The following SSPN variants were observed in gnomAD, a reference collection of about 807,000 sequenced individuals.
SSPN encodes the protein K-ras oncogene-associated protein.
In SSPN, 15 loss-of-function variants were observed where a neutral mutation model predicts 19.1. That is an observed-to-expected ratio of 0.78 (90% confidence interval 0.52 to 1.21). SSPN has a LOEUF of 1.21. Among genes scored for constraint, SSPN ranks in the 50% most tolerant of loss-of-function variants. The pLI, the probability that SSPN is intolerant of heterozygous loss-of-function variation, is 0.00. For synonymous variants in SSPN, 147 were observed against 140.3 expected (o/e 1.05, Z -0.34); for missense variants, 291 against 314.0 (o/e 0.93, Z 0.55).
At chr12:26,201,034 T>TA (rs1944877521) in intron 1 of SSPN, among the ~76,000 whole-genome samples, 6 of 55,848 alleles carry the variant, frequency 1.1e-4, no homozygotes, top group African/African-American at 3.2e-4. Context: ...TATATATATA[T>TA]ATATATATAT....
intron 1 of SSPN, among the ~76,000 whole-genome samples, chr12:26,132,163 T>C (rs1209813823): frequency 6.6e-6 from 1 of 152,172 alleles, no homozygotes; most frequent in East Asian, 1.9e-4. Flanking sequence ...TTTGCATGTA[T>C]TTCCCTACAG....
At chr12:26,158,707 C>T (rs1944570187) in intron 1 of SSPN, among the ~76,000 whole-genome samples, 1 of 152,268 alleles carries the variant, frequency 6.6e-6, no homozygotes, top group Non-Finnish European at 1.5e-5. Context: ...CAGGGCTGCT[C>T]CTGCAGCAGA....
At chr12:26,176,818 G>T (rs1944686862) in intron 1 of SSPN, among the ~76,000 whole-genome samples, 1 of 152,004 alleles carries the variant, frequency 6.6e-6, no homozygotes, top group Non-Finnish European at 1.5e-5. Context: ...AGCCATCATC[G>T]TGCCTCTGCT....
At chr12:26,125,137 C>G (rs955403222) in intron 1 of SSPN, 1 of 295,914 alleles carries the variant, frequency 3.4e-6, no homozygotes, top group Non-Finnish European at 6.6e-6. Context: ...GAGGAGGGGC[C>G]GGGCCGGGCG....
chr12:26,195,921 C>A lies in SSPN; in HGVS notation c.249C>A (p.Val83=), dbSNP rs1253059380. The A allele has an allele frequency of 3.9e-6, 6 of 1,555,522 alleles. No individual in the cohort carries two copies. Among genetic ancestry groups the A allele is most frequent in the Non-Finnish European group, 5.2e-6 (6 of 1,154,460 alleles). The change falls in exon 1 of 3, where the codon GTC becomes GTA. Residue 83 remains valine, a synonymous_variant. Transcript: ENST00000242729. The stretch of plus-strand genomic sequence containing the variant: ...CGAGCATCAGCTCCTCCCTGCTAGT[C>A]AGGGACACTCCATTTTGGGCTGGGA... ...LMASISSSLL[V]RDTPFWAGII...
At chr12:26,122,381 C>A (rs1030525741) in intron 1 of SSPN, 9 of 1,220,422 alleles carry the variant, frequency 7.4e-6, no homozygotes, top group Non-Finnish European at 7.2e-6. Flanking sequence ...CAGCCGCCGC[C>A]GGGTACAGAT....
rs1232947205 is a variant in SSPN at position 26,195,881 on chromosome 12, T to A, written c.209T>A (p.Val70Glu). The change falls in exon 1 of 3, where the codon GTG (valine) becomes GAG (glutamate). Residue 70 changes from valine (V) to glutamate (E), a missense_variant. By Grantham distance (121) the Val-to-Glu change is moderately radical. Coordinates refer to ENST00000242729, the MANE Select transcript of SSPN (RefSeq NM_005086.5). ...GCCCTGGGCATCGCCGTGACCGTGG[T>A]GGGCTTCCTCATGGCGAGCATCAGC... is the stretch of plus-strand genomic sequence containing the variant. ...QLALGIAVTV[V>E]GFLMASISSS... 1 of 1,575,682 alleles carries A rather than the reference T, an allele frequency of 6.3e-7. No homozygotes were observed. The highest frequency in any genetic ancestry group is 2.4e-5 in the East Asian group (1 of 41,194).
chr12:26,233,436 C>A lies in SSPN; in HGVS notation c.*2360C>A, dbSNP rs1945256653. Reference sequence around the variant, plus strand: ...GTATGATTAAATCATTCTTAAGTCCCCAAGGAAAAAAAATCATAAACAAAT... The same window carrying A: ...GTATGATTAAATCATTCTTAAGTCCACAAGGAAAAAAAATCATAAACAAAT... On this transcript the variant is annotated 3_prime_UTR_variant, in exon 3 of 3. Transcript: ENST00000242729. The surrounding 1 kb of genome is among the most constrained non-coding windows in gnomAD (Gnocchi z 4.3). The A allele has an allele frequency of 6.7e-6, 1 of 150,230 alleles. No homozygotes were observed. Among genetic ancestry groups the A allele is most frequent in the Non-Finnish European group, 1.5e-5 (1 of 67,714 alleles). 9.3% of individuals were successfully genotyped at this position (150,230 alleles called of 1,614,324 possible).
chr12:26,195,481 C>T, upstream of SSPN: 1 of 1,024,724 alleles, frequency 9.8e-7, no homozygotes, highest in Non-Finnish European at 1.3e-6. Flanking sequence ...GTTGGCGACC[C>T]CCCTCGAATC....
At chr12:26,226,921 G>A (rs991851086) in intron 2 of SSPN, among the ~76,000 whole-genome samples, 1 of 152,078 alleles carries the variant, frequency 6.6e-6, no homozygotes, top group African/African-American at 2.4e-5. Context: ...GCTGCAGGCC[G>A]GGTACCAATT....
At chr12:26,125,194 G>A in intron 1 of SSPN, 1 of 336,022 alleles carries the variant, frequency 3.0e-6, no homozygotes, top group Non-Finnish European at 5.7e-6. Flanking sequence ...GCAGGAGGGG[G>A]CGGGGACACC....
chr12:26,124,151 A>G (rs200957247), intron 1 of SSPN: 3 of 1,611,304 alleles, frequency 1.9e-6, no homozygotes, highest in East Asian at 2.2e-5. Flanking sequence ...TTTCTTTTCT[A>G]TTAATCTGTG....
At chr12:26,222,345 T>C (rs1050947731) in intron 1 of SSPN, among the ~76,000 whole-genome samples, 1 of 152,212 alleles carries the variant, frequency 6.6e-6, no homozygotes, top group Admixed American at 6.5e-5. Flanking sequence ...CATAGGCAGC[T>C]TATTGATTAT....
intron 1 of SSPN, among the ~76,000 whole-genome samples, chr12:26,179,365 C>T (rs760416977): frequency 7.2e-5 from 11 of 152,118 alleles, no homozygotes; most frequent in Non-Finnish European, 1.6e-4. Context: ...GCTTGTCACC[C>T]GCAGACTGGA....
At chr12:26,122,943 C>T in intron 1 of SSPN, 1 of 1,554,504 alleles carries the variant, frequency 6.4e-7, no homozygotes, top group Non-Finnish European at 8.7e-7. Context: ...CGAGGGAGCG[C>T]CGGTGCCTTT....
intron 1 of SSPN, among the ~76,000 whole-genome samples, chr12:26,215,916 C>A (rs1036867350): frequency 2.0e-5 from 3 of 152,300 alleles, no homozygotes; most frequent in African/African-American, 7.2e-5. Flanking sequence ...GAGCCAACAC[C>A]TTTATAACAC....
chr12:26,123,651 T>C, intron 1 of SSPN: 3 of 1,613,594 alleles, frequency 1.9e-6, no homozygotes, highest in Non-Finnish European at 2.5e-6. Context: ...GCAATTATCT[T>C]CTGATGCTGT....
intron 1 of SSPN, among the ~76,000 whole-genome samples, chr12:26,198,542 T>C (rs139771553): frequency 0.016 from 2,371 of 152,314 alleles, 19 homozygotes; most frequent in Admixed American, 0.023. Context: ...GCTTTACTTA[T>C]TAGCTGCTTG....
intron 2 of SSPN, among the ~76,000 whole-genome samples, chr12:26,226,992 A>G (rs1945184608): frequency 6.6e-6 from 1 of 152,050 alleles, no homozygotes; most frequent in Non-Finnish European, 1.5e-5. Context: ...GCCCGGGGCC[A>G]CCGCGCCTCC....
Sources: allele counts gnomAD v4.1 joint callset (sites outside exome capture counted in the v4.1 genomes callset), GRCh38; gene constraint gnomAD v4.1.1; non-coding constraint Gnocchi (gnomAD v3.1); transcripts MANE v1.5; gene names NCBI Gene and HGNC (gene_info 2026-07-23, HGNC 2026-07-21).